The following TMPRSS11F variants were observed in gnomAD, a reference collection of about 807,000 sequenced individuals.
The protein encoded by TMPRSS11F is transmembrane protease serine 11F.
Under a neutral mutation model 60.2 loss-of-function variants are expected in TMPRSS11F, and 47 were observed. The ratio of observed to expected loss-of-function variants is 0.78; its 90% confidence interval spans 0.62 to 1.00. The LOEUF is 1.00. Ranked by LOEUF, TMPRSS11F falls within the 50% of genes least tolerant of loss-of-function variation. The probability of loss-of-function intolerance (pLI) is 0.00; values close to 1 mark genes in which losing one functional copy is unlikely to be tolerated. For missense variants in TMPRSS11F, 519 were observed against 522.9 expected (o/e 0.99, Z 0.07); for synonymous variants, 166 against 167.3 (o/e 0.99, Z 0.06).
intron 1 of TMPRSS11F, among the ~76,000 whole-genome samples, chr4:68,107,710 G>A (rs535628817): frequency 4.6e-5 from 7 of 152,082 alleles, no homozygotes; most frequent in African/African-American, 1.4e-4. Context: ...GGGCCAAGGC[G>A]GGCAGATCAC....
chr4:68,129,132 T>A (rs1724769761), intron 1 of TMPRSS11F, among the ~76,000 whole-genome samples: 1 of 152,098 alleles, frequency 6.6e-6, no homozygotes, highest in African/African-American at 2.4e-5. Flanking sequence ...CCATCAAATA[T>A]CAATTATTCC....
At chr4:68,076,621 A>T (rs1723588838) in intron 3 of TMPRSS11F, among the ~76,000 whole-genome samples, 1 of 152,196 alleles carries the variant, frequency 6.6e-6, no homozygotes. Flanking sequence ...CTAAAGAGAA[A>T]AGGTTTTGAA....
At chr4:68,110,012 AG>A (rs1230830813) in intron 1 of TMPRSS11F, among the ~76,000 whole-genome samples, 13 of 152,244 alleles carry the variant, frequency 8.5e-5, no homozygotes, top group African/African-American at 2.9e-4. Context: ...TCACAGCAGT[AG>A]CCTTGGGGGG....
chr4:68,063,833 GCTCAA>G (rs1208537720), intron 8 of TMPRSS11F, among the ~76,000 whole-genome samples: 7 of 152,080 alleles, frequency 4.6e-5, no homozygotes, highest in Non-Finnish European at 1.0e-4. Flanking sequence ...CAAAAAAAAT[GCTCAA>G]AATATTTACA....
intron 8 of TMPRSS11F, among the ~76,000 whole-genome samples, chr4:68,064,258 C>T (rs1723273258): frequency 6.6e-6 from 1 of 151,140 alleles, no homozygotes; most frequent in Non-Finnish European, 1.5e-5. Flanking sequence ...GATCTCAGCT[C>T]ATTGCAACCT....
At chr4:68,061,933 G>A (rs918370356) in intron 8 of TMPRSS11F, 5 of 430,362 alleles carry the variant, frequency 1.2e-5, no homozygotes, top group Non-Finnish European at 2.3e-5. Flanking sequence ...ATTCCTGTAT[G>A]AAAACGAATG....
At chr4:68,071,814 G>A (rs1291797266) in intron 5 of TMPRSS11F, among the ~76,000 whole-genome samples, 1 of 152,126 alleles carries the variant, frequency 6.6e-6, no homozygotes, top group Non-Finnish European at 1.5e-5. Flanking sequence ...ACAAGCTAGA[G>A]AACCTCTTTA....
At chr4:68,060,598 CTCTT>C (rs1201482062) in intron 8 of TMPRSS11F, among the ~76,000 whole-genome samples, 2 of 133,162 alleles carry the variant, frequency 1.5e-5, no homozygotes, top group African/African-American at 5.4e-5. Context: ...ATAAGTATCT[CTCTT>C]TTTTTTTTTC....
intron 3 of TMPRSS11F, among the ~76,000 whole-genome samples, chr4:68,089,019 A>G (rs1723872538): frequency 6.6e-6 from 1 of 152,064 alleles, no homozygotes. Context: ...TCAAAGTACC[A>G]AGATCACTTT....
chr4:68,056,172 G>A (rs1301959454), intron 9 of TMPRSS11F, among the ~76,000 whole-genome samples: 3 of 152,034 alleles, frequency 2.0e-5, no homozygotes, highest in East Asian at 3.8e-4. Flanking sequence ...GGAAGTTGTC[G>A]CTAGAGAAAT....
chr4:68,068,526 T>TA lies in TMPRSS11F; in HGVS notation c.755+91dup, dbSNP rs1395301881. ...GGTCTACCCTGAATGGAGCAAAGGTTAAACTGGAGAGACTGGACTCTTCTG... is the reference window on the plus strand; with the variant it reads ...GGTCTACCCTGAATGGAGCAAAGGTTAAAACTGGAGAGACTGGACTCTTCTG... On this transcript the variant is annotated intron_variant, in intron 7 of 9. Transcript: ENST00000356291. 6.3e-6 allele frequency: 7 copies of TA among 1,102,516 alleles called. No individual in the cohort carries two copies. The African/African-American group carries it at 1.1e-4, about 17-fold the overall frequency. The allele number at this position is 1,102,516 out of a possible 1,614,324, so 68.3% of individuals were successfully genotyped here. A position where few individuals can be genotyped will look rare whatever the true frequency, so the allele number is the denominator to read the frequency against.
At chr4:68,101,992 A>T (rs1724201659) in intron 1 of TMPRSS11F, among the ~76,000 whole-genome samples, 2 of 151,996 alleles carry the variant, frequency 1.3e-5, no homozygotes, top group South Asian at 4.1e-4. Flanking sequence ...TCCCCATTTA[A>T]TTGCCCCTAT....
chr4:68,128,528 G>A (rs1724757259), intron 1 of TMPRSS11F, among the ~76,000 whole-genome samples: 1 of 142,472 alleles, frequency 7.0e-6, no homozygotes, highest in Non-Finnish European at 1.5e-5. Context: ...TTTTCAGGGT[G>A]GAAAAGTGAG....
intron 8 of TMPRSS11F, chr4:68,062,854 G>T: frequency 1.3e-6 from 1 of 779,334 alleles, no homozygotes; most frequent in Non-Finnish European, 2.3e-6. Flanking sequence ...CATATGTATT[G>T]GGTGGTCTGT....
chr4:68,075,721 G>A (rs1031067177), intron 3 of TMPRSS11F, among the ~76,000 whole-genome samples: 3 of 152,134 alleles, frequency 2.0e-5, no homozygotes, highest in Non-Finnish European at 4.4e-5. Flanking sequence ...TAGGCTGGGT[G>A]CGGTGGCTCA....
intron 1 of TMPRSS11F, among the ~76,000 whole-genome samples, chr4:68,123,408 T>C (rs1432874884): frequency 2.0e-5 from 3 of 152,222 alleles, no homozygotes; most frequent in African/African-American, 7.2e-5. Flanking sequence ...AAAAAGATTC[T>C]GCTCATTCTG....
intron 1 of TMPRSS11F, among the ~76,000 whole-genome samples, chr4:68,120,330 C>T (rs191468986): frequency 2.1e-3 from 323 of 151,518 alleles, no homozygotes; most frequent in Non-Finnish European, 3.8e-3. Flanking sequence ...AAAAGTTCTG[C>T]TCTGAGTAAA....
intron 8 of TMPRSS11F, chr4:68,062,644 T>A (rs182592083): frequency 1.3e-6 from 1 of 791,750 alleles, no homozygotes; most frequent in Non-Finnish European, 2.3e-6. Flanking sequence ...TGTTGAGACC[T>A]AAATAAATCC....
chr4:68,115,162 A>G (rs1257333370), intron 1 of TMPRSS11F, among the ~76,000 whole-genome samples: 1 of 151,468 alleles, frequency 6.6e-6, no homozygotes, highest in East Asian at 1.9e-4. Context: ...ATCCTGGCTA[A>G]TACGGTGAAA....
Sources: allele counts gnomAD v4.1 joint callset (sites outside exome capture counted in the v4.1 genomes callset), GRCh38; gene constraint gnomAD v4.1.1; transcripts MANE v1.5; gene names NCBI Gene and HGNC (gene_info 2026-07-23, HGNC 2026-07-21).